The following CNTN2 variants were observed in gnomAD, a reference collection of about 807,000 sequenced individuals.
The protein encoded by CNTN2 is contactin 2.
CNTN2 carries 53 observed loss-of-function variants against 117.5 expected under a neutral mutation model. The observed-to-expected ratio is 0.45, with a 90% CI of 0.36 to 0.57. CNTN2 has a LOEUF of 0.57. Among genes scored for constraint, CNTN2 ranks in the 20% least tolerant of loss-of-function variants. The pLI, the probability that CNTN2 is intolerant of heterozygous loss-of-function variation, is 0.00. For missense variants in CNTN2, 1,106 were observed against 1,404.3 expected, an observed-to-expected ratio of 0.79 and a Z score of 3.39; for synonymous variants, 530 against 561.7, an observed-to-expected ratio of 0.94 and a Z score of 0.80.
intron 9 of CNTN2, 106 bp downstream of exon 9, chr1:205,062,107 TA>T: frequency 7.1e-7 from 1 of 1,414,522 alleles, no homozygotes; most frequent in Non-Finnish European, 9.5e-7. Context: ...CCCTCTGGGC[TA>T]ATTAGGGTGT....
rs775868225 is a variant in CNTN2, at chr1:205,062,011, A to G, written c.1110+10A>G. 25 of 1,612,574 alleles carry G rather than the reference A, an allele frequency of 1.6e-5. No individual in the cohort carries two copies. Among genetic ancestry groups the G allele is most frequent in the Non-Finnish European group, 1.9e-5 (23 of 1,179,572 alleles). On this transcript the variant is annotated intron_variant, in intron 9 of 22. Transcript: ENST00000331830. ...GCCTCTGGCCTCCCAGGTAGGAGAC[A>G]TGGGGCTTCCCCCGACACATCACAA...
At chr1:205,047,559 A>G (rs373786100) in intron 1 of CNTN2, among the ~76,000 whole-genome samples, 4 of 152,108 alleles carry the variant, frequency 2.6e-5, no homozygotes, top group Non-Finnish European at 4.4e-5. Flanking sequence ...TGTACCAGGT[A>G]TAACTCTGGC....
Position 205,059,378 on chromosome 1 carries a change from G to T in CNTN2, c.697+85G>T. 1 of 1,389,428 alleles carries T rather than the reference G, an allele frequency of 7.2e-7. No homozygotes were observed. The allele number at this position is 1,389,428 out of a possible 1,614,324, so 86.1% of individuals were successfully genotyped here. On this transcript the variant is annotated intron_variant, in intron 6 of 22. Coordinates refer to ENST00000331830, the MANE Select transcript of CNTN2 (RefSeq NM_005076.5). The surrounding 1 kb of genome is among the most constrained non-coding windows in gnomAD (Gnocchi z 5.6). ...AAAAGGGTTTTTCCTTTGGAGATTG[G>T]AAGATCAGCTTGCAGGGCACTGATT...
In CNTN2 at chr1:205,067,264, G is replaced by A. The variant is rs1654344903; in HGVS notation, c.2125+14G>A. 11 of 1,606,402 alleles carry A rather than the reference G, an allele frequency of 6.8e-6. No individual in the cohort carries two copies. The highest frequency in any genetic ancestry group is 9.3e-6 in the Non-Finnish European group (11 of 1,176,748). On this transcript the variant is annotated intron_variant, in intron 16 of 22. Transcript: ENST00000331830. Reference sequence around the variant, plus strand: ...CCAGGGAAGCAGGTGAGAGTCCTGTGTGTCCCAAAAAGCTATCATCAGGGC... The same window carrying A: ...CCAGGGAAGCAGGTGAGAGTCCTGTATGTCCCAAAAAGCTATCATCAGGGC...
rs1574646205 is a variant in CNTN2, at chr1:205,061,184, C to T, written c.798-61C>T. ...CTGAGAGTCTGGGTATGAGGAGCTG[C>T]GGGCACTGGAGGGGTAGGCCCAGCT... On this transcript the variant is annotated intron_variant, in intron 7 of 22. Transcript: ENST00000331830. The surrounding 1 kb of genome is among the most constrained non-coding windows in gnomAD (Gnocchi z 4.8). 8 of 1,522,558 alleles carry T rather than the reference C, an allele frequency of 5.3e-6. No homozygotes were observed. Among genetic ancestry groups the T allele is most frequent in the Non-Finnish European group, 4.5e-6 (5 of 1,123,114 alleles). 94.3% of individuals were successfully genotyped at this position (1,522,558 alleles called of 1,614,324 possible).
At chr1:205,057,188 A>C (rs1364135699) in intron 2 of CNTN2, 1 of 152,064 alleles carries the variant, frequency 6.6e-6, no homozygotes, top group Non-Finnish European at 1.5e-5. Flanking sequence ...AGGTGAACTC[A>C]TATTCTTTTC....
chr1:205,045,751 G>A (rs2096440527), intron 1 of CNTN2, among the ~76,000 whole-genome samples: 1 of 152,176 alleles, frequency 6.6e-6, no homozygotes, highest in South Asian at 2.1e-4. Flanking sequence ...GGAAGCCAGA[G>A]GGACTTAAGT....
intron 1 of CNTN2, among the ~76,000 whole-genome samples, chr1:205,050,418 T>G (rs1296853297): frequency 6.6e-6 from 1 of 152,122 alleles, no homozygotes; most frequent in Non-Finnish European, 1.5e-5. Context: ...TTACAGTGGC[T>G]TGACTTAAAA....
rs774607784 is a variant in CNTN2 at position 205,062,479 on chromosome 1, A to G, written c.1150A>G (p.Lys384Glu). 1 of 1,614,002 alleles carries G rather than the reference A, an allele frequency of 6.2e-7. No homozygotes were observed. Among genetic ancestry groups the G allele is most frequent in the South Asian group, 1.1e-5 (1 of 91,080 alleles). ...EVLAGDLRFSKLSLEDSGMYQ... is the reference protein window; with the variant it reads ...EVLAGDLRFSELSLEDSGMYQ... The stretch of plus-strand genomic sequence containing the variant: ...GTTGGCTGGGGACCTGCGGTTCTCC[A>G]AGCTGAGCCTGGAAGACTCGGGCAT... The change falls in exon 10 of 23, where the codon AAG becomes GAG. Residue 384 changes from lysine (K) to glutamate (E), a missense_variant. Lys to Glu is a moderately conservative substitution (Grantham distance 56, BLOSUM62 1). Coordinates refer to ENST00000331830, the MANE Select transcript of CNTN2 (RefSeq NM_005076.5).
chr1:205,054,188 T>C (rs9787334), intron 2 of CNTN2, among the ~76,000 whole-genome samples: 49,332 of 152,200 alleles, frequency 0.32, 9,109 homozygotes, highest in East Asian at 0.8. Context: ...GGACTCTCCA[T>C]GGTCCTGGAG....
At position 205,061,017 on chromosome 1, in the gene CNTN2, G is replaced by A; in HGVS notation, c.798-228G>A. On this transcript the variant is annotated intron_variant, in intron 7 of 22. Coordinates refer to ENST00000331830, the MANE Select transcript of CNTN2 (RefSeq NM_005076.5). This position sits in a 1 kb window ranked among gnomAD's most constrained non-coding sequence, Gnocchi z 4.8. The stretch of plus-strand genomic sequence containing the variant: ...CGGCTTCACTGGCTCCAGGGTTGTT[G>A]CAGGGGGGATGGGTAGAGCAGCCCT... 8 of 512,154 alleles carry A rather than the reference G, an allele frequency of 1.6e-5. No individual in the cohort carries two copies. Among genetic ancestry groups the A allele is most frequent in the Non-Finnish European group, 2.8e-5 (8 of 289,426 alleles). The allele number at this position is 512,154 out of a possible 1,614,324, so 31.7% of individuals were successfully genotyped here.
Position 205,048,518 on chromosome 1 carries a change from G to C in CNTN2, c.-86-4582G>C, listed in dbSNP as rs896370637. ...AGCCTGTGCTTGCCTGTGCCAGTCT[G>C]TGCCTGCACCCCTGCACCAGGGCAG... On this transcript the variant is annotated intron_variant, in intron 1 of 22. Transcript: ENST00000331830. This position sits in a 1 kb window ranked among gnomAD's most constrained non-coding sequence, Gnocchi z 4.1. Among the ~76,000 whole-genome samples, 1 of 152,120 alleles carries C rather than the reference G, an allele frequency of 6.6e-6. No homozygotes were observed. Among genetic ancestry groups the C allele is most frequent in the Non-Finnish European group, 1.5e-5 (1 of 68,020 alleles).
At chr1:205,066,007 G>C in intron 14 of CNTN2, 98 bp downstream of exon 14, 1 of 1,432,804 alleles carries the variant, frequency 7.0e-7, no homozygotes, top group Non-Finnish European at 9.4e-7. Flanking sequence ...TTCCCTCAAA[G>C]CTGCGGGGAA....
intron 1 of CNTN2, among the ~76,000 whole-genome samples, chr1:205,045,957 A>G (rs145577949): frequency 6.6e-6 from 1 of 152,294 alleles, no homozygotes; most frequent in African/African-American, 2.4e-5. Flanking sequence ...TTCAAATGGT[A>G]AAAGGTGGAT....
intron 16 of CNTN2, chr1:205,067,536 G>A (rs913636422): frequency 3.6e-5 from 11 of 301,406 alleles, no homozygotes; most frequent in South Asian, 6.3e-5. Context: ...ACCAAAGTTC[G>A]GAGAAAGGAA....
At chr1:205,050,928 C>T (rs1367564274) in intron 1 of CNTN2, among the ~76,000 whole-genome samples, 3 of 152,126 alleles carry the variant, frequency 2.0e-5, no homozygotes, top group Non-Finnish European at 2.9e-5. Flanking sequence ...CTTCTGAGTA[C>T]GTTGAAGGTG....
Position 205,059,801 on chromosome 1 carries a change from G to C in CNTN2, c.797+119G>C. On this transcript the variant is annotated intron_variant, in intron 7 of 22. Coordinates refer to ENST00000331830, the MANE Select transcript of CNTN2 (RefSeq NM_005076.5). The surrounding 1 kb of genome is among the most constrained non-coding windows in gnomAD (Gnocchi z 5.6). ...GGTGTCCCTCACAGGGTCTAGCAAA[G>C]TACTGGGCACACAGTGGGTATCGAC... The C allele has an allele frequency of 3.9e-6, 3 of 775,596 alleles. No individual in the cohort carries two copies. In the East Asian group the frequency reaches 7.7e-5, roughly 20 times the overall value. 48.0% of individuals were successfully genotyped at this position (775,596 alleles called of 1,614,324 possible).
In CNTN2 at chr1:205,059,930, A is replaced by C; in HGVS notation, c.797+248A>C. The C allele has an allele frequency of 1.9e-6, 1 of 525,006 alleles. No individual in the cohort carries two copies. The highest frequency in any genetic ancestry group is 3.5e-6 in the Non-Finnish European group (1 of 289,062). The allele number at this position is 525,006 out of a possible 1,614,324, so 32.5% of individuals were successfully genotyped here. On this transcript the variant is annotated intron_variant, in intron 7 of 22. Transcript: ENST00000331830. This position sits in a 1 kb window ranked among gnomAD's most constrained non-coding sequence, Gnocchi z 5.6. Reference sequence around the variant, plus strand: ...TTCCAGCAGTGCATGGCAGGCTCAGACAGCTTGAGTAACACCCAGGGCTGG... The same window carrying C: ...TTCCAGCAGTGCATGGCAGGCTCAGCCAGCTTGAGTAACACCCAGGGCTGG...
intron 16 of CNTN2, 76 bp from the exon 17 acceptor site, chr1:205,069,415 A>G: frequency 3.4e-6 from 5 of 1,472,772 alleles, no homozygotes; most frequent in Non-Finnish European, 4.7e-6. Context: ...ACGGTGCTCT[A>G]CAGGCACAGG....
Sources: gnomAD v4.1 joint callset for allele counts (sites outside exome capture counted in the v4.1 genomes callset) on GRCh38, gnomAD v4.1.1 for gene constraint, Gnocchi (gnomAD v3.1) non-coding constraint, MANE v1.5 for transcripts, NCBI Gene and HGNC (gene_info 2026-07-23, HGNC 2026-07-21) for gene names.